Variants in CADM2 observed in about 807,000 individuals in gnomAD.
The protein encoded by CADM2 is cell adhesion molecule 2.
Under a neutral mutation model 49.8 loss-of-function variants are expected in CADM2, and 12 were observed. That is an observed-to-expected ratio of 0.24 (90% CI 0.15 to 0.39). The LOEUF (loss-of-function observed/expected upper bound fraction) is 0.39, where lower values mean the gene tolerates loss of function less well. Ranked by LOEUF, CADM2 falls within the 10% of genes least tolerant of loss-of-function variation. The pLI, the probability that CADM2 is intolerant of heterozygous loss-of-function variation, is 1.00. For missense variants in CADM2, 378 were observed against 492.3 expected (o/e 0.77, Z 2.20); for synonymous variants, 214 against 175.4 (o/e 1.22, Z -1.74).
chr3:85,030,837 T>A (rs2034943890), intron 1 of CADM2, among the ~76,000 whole-genome samples: 1 of 152,128 alleles, frequency 6.6e-6, no homozygotes, highest in African/African-American at 2.4e-5. Flanking sequence ...ACTCCTACCC[T>A]AAAAAACTAA....
chr3:86,028,950 G>T (rs1271426217), intron 8 of CADM2, among the ~76,000 whole-genome samples: 1 of 152,110 alleles, frequency 6.6e-6, no homozygotes, highest in Non-Finnish European at 1.5e-5. Flanking sequence ...GATTAATAAA[G>T]TAATTATAAG....
intron 1 of CADM2, among the ~76,000 whole-genome samples, chr3:85,566,833 T>A (rs1052248531): frequency 6.6e-6 from 1 of 152,196 alleles, no homozygotes; most frequent in Non-Finnish European, 1.5e-5. Context: ...ACCCGTGTCT[T>A]TTCTATGAGG....
chr3:85,105,040 T>C (rs963245916), intron 1 of CADM2, among the ~76,000 whole-genome samples: 2 of 152,114 alleles, frequency 1.3e-5, no homozygotes, highest in African/African-American at 2.4e-5. Flanking sequence ...ACTTCCTCTT[T>C]TCCTAGTTGA....
At chr3:85,758,566 C>G (rs73845642) in intron 2 of CADM2, among the ~76,000 whole-genome samples, 8,190 of 152,118 alleles carry the variant, frequency 0.054, 621 homozygotes, top group African/African-American at 0.17. Flanking sequence ...ACACTGTATT[C>G]TATTTCCAGT....
At chr3:85,264,495 A>G (rs930927479) in intron 1 of CADM2, among the ~76,000 whole-genome samples, 2 of 152,048 alleles carry the variant, frequency 1.3e-5, no homozygotes, top group African/African-American at 4.8e-5. Flanking sequence ...CTTTGGGACT[A>G]TTCTTTCACT....
intron 1 of CADM2, among the ~76,000 whole-genome samples, chr3:85,297,185 ATAAGT>A (rs143685125): frequency 0.066 from 10,013 of 152,078 alleles, 1,068 homozygotes; most frequent in African/African-American, 0.23. Context: ...TAAGCGTCAG[ATAAGT>A]TAAGTAATTT....
chr3:85,833,934 G>A (rs185281428), intron 3 of CADM2, among the ~76,000 whole-genome samples: 22 of 151,708 alleles, frequency 1.5e-4, no homozygotes, highest in African/African-American at 4.6e-4. Flanking sequence ...CATTGAATCT[G>A]TAGATGGCTT....
intron 1 of CADM2, among the ~76,000 whole-genome samples, chr3:85,319,688 G>A (rs571335244): frequency 6.6e-6 from 1 of 152,236 alleles, no homozygotes; most frequent in East Asian, 1.9e-4. Flanking sequence ...AACGTATGCA[G>A]GAACAGAAAA....
intron 1 of CADM2, among the ~76,000 whole-genome samples, chr3:85,304,516 A>T (rs1412417631): frequency 6.6e-6 from 1 of 151,814 alleles, no homozygotes; most frequent in South Asian, 2.1e-4. Context: ...TCAAAAAAGG[A>T]TGGGATCACC....
chr3:85,490,228 G>T (rs1203956595), intron 1 of CADM2, among the ~76,000 whole-genome samples: 1 of 151,982 alleles, frequency 6.6e-6, no homozygotes, highest in East Asian at 1.9e-4. Flanking sequence ...AATGGATTAG[G>T]CTATAGAAGC....
chr3:85,058,600 A>G (rs1299922083), intron 1 of CADM2, among the ~76,000 whole-genome samples: 2 of 151,870 alleles, frequency 1.3e-5, no homozygotes, highest in Admixed American at 1.3e-4. Flanking sequence ...ATGAGCCACC[A>G]CACCTGGCTA....
At chr3:85,446,239 C>G (rs1211459688) in intron 1 of CADM2, among the ~76,000 whole-genome samples, 3 of 152,076 alleles carry the variant, frequency 2.0e-5, no homozygotes, top group African/African-American at 7.2e-5. Flanking sequence ...AACTGTATTA[C>G]TCAGTGATAC....
chr3:85,701,044 T>G (rs1271469573), intron 1 of CADM2, among the ~76,000 whole-genome samples: 1 of 151,134 alleles, frequency 6.6e-6, no homozygotes, highest in Non-Finnish European at 1.5e-5. Context: ...AATTGTCCCA[T>G]GGTTCTGCAG....
At chr3:85,412,124 C>A (rs1334244079) in intron 1 of CADM2, among the ~76,000 whole-genome samples, 1 of 152,046 alleles carries the variant, frequency 6.6e-6, no homozygotes, top group African/African-American at 2.4e-5. Context: ...GCCAACATGC[C>A]GGGCCCACAT....
At chr3:85,385,318 A>G (rs2034158609) in intron 1 of CADM2, among the ~76,000 whole-genome samples, 1 of 152,076 alleles carries the variant, frequency 6.6e-6, no homozygotes, top group Non-Finnish European at 1.5e-5. Context: ...GAATTTTTCA[A>G]AACAGAAAAA....
chr3:86,011,325 T>C (rs1731482396), intron 8 of CADM2, among the ~76,000 whole-genome samples: 1 of 152,122 alleles, frequency 6.6e-6, no homozygotes. Flanking sequence ...TCAAATTTGT[T>C]TAATATTAAG....
intron 2 of CADM2, among the ~76,000 whole-genome samples, chr3:85,748,677 TAGGGG>T (rs1315027819): frequency 1.3e-5 from 2 of 152,114 alleles, no homozygotes; most frequent in African/African-American, 2.4e-5. Flanking sequence ...TAATCCCATT[TAGGGG>T]GGTTTCCTTT....
At chr3:85,577,310 G>A (rs1237759118) in intron 1 of CADM2, among the ~76,000 whole-genome samples, 6 of 152,128 alleles carry the variant, frequency 3.9e-5, no homozygotes, top group Non-Finnish European at 8.8e-5. Flanking sequence ...GGAGGAGATT[G>A]GGTTAGAAGG....
At chr3:85,655,418 C>T (rs975018701) in intron 1 of CADM2, among the ~76,000 whole-genome samples, 1 of 152,116 alleles carries the variant, frequency 6.6e-6, no homozygotes, top group African/African-American at 2.4e-5. Context: ...CTCAACCTCC[C>T]AAAGTGCTGG....
Sources: gnomAD v4.1 joint callset for allele counts (sites outside exome capture counted in the v4.1 genomes callset) on GRCh38, gnomAD v4.1.1 for gene constraint, MANE v1.5 for transcripts, NCBI Gene and HGNC (gene_info 2026-07-23, HGNC 2026-07-21) for gene names.